The following ARHGEF28 variants were observed in gnomAD, a reference collection of about 807,000 sequenced individuals.
The protein encoded by ARHGEF28 is 190 kDa guanine nucleotide exchange factor.
A neutral mutation model predicts 206.6 loss-of-function variants in ARHGEF28; 152 were observed. The ratio of observed to expected loss-of-function variants is 0.74; its 90% CI spans 0.64 to 0.84. The LOEUF is 0.84. Ranked by LOEUF, ARHGEF28 falls within the 40% of genes least tolerant of loss-of-function variation. The probability of loss-of-function intolerance (pLI) is 0.00; values close to 1 mark genes in which losing one functional copy is unlikely to be tolerated. For missense variants in ARHGEF28, 2,028 were observed against 2,073.2 expected (o/e 0.98, Z 0.42); for synonymous variants, 763 against 776.4 (o/e 0.98, Z 0.29).
intron 35 of ARHGEF28, among the ~76,000 whole-genome samples, chr5:73,936,807 A>T (rs1764447354): frequency 6.6e-6 from 1 of 152,182 alleles, no homozygotes; most frequent in Non-Finnish European, 1.5e-5. Context: ...GCCTGAAGTG[A>T]TCCTCCTGCC....
intron 35 of ARHGEF28, among the ~76,000 whole-genome samples, chr5:73,926,864 C>T (rs990218071): frequency 1.3e-5 from 2 of 152,186 alleles, no homozygotes; most frequent in Admixed American, 6.5e-5. Flanking sequence ...TTAAGGGACA[C>T]GTATGTAGTG....
At chr5:73,828,515 C>T (rs1172928480) in intron 9 of ARHGEF28, among the ~76,000 whole-genome samples, 1 of 151,156 alleles carries the variant, frequency 6.6e-6, no homozygotes, top group Non-Finnish European at 1.5e-5. Flanking sequence ...CTTCACAAGA[C>T]TTACTGTCTC....
At chr5:73,731,829 T>A (rs1161611706) in intron 2 of ARHGEF28, among the ~76,000 whole-genome samples, 1 of 152,154 alleles carries the variant, frequency 6.6e-6, no homozygotes, top group African/African-American at 2.4e-5. Flanking sequence ...AACAGTTATT[T>A]ATCAATGAAG....
intron 35 of ARHGEF28, among the ~76,000 whole-genome samples, chr5:73,935,907 C>T (rs77311932): frequency 0.012 from 1,890 of 152,242 alleles, 33 homozygotes; most frequent in African/African-American, 0.042. Context: ...AACTGAACAG[C>T]GCGTCATCAG....
At chr5:73,870,844 T>C (rs780560413) in intron 21 of ARHGEF28, among the ~76,000 whole-genome samples, 7 of 152,218 alleles carry the variant, frequency 4.6e-5, no homozygotes, top group African/African-American at 7.2e-5. Flanking sequence ...AAATTTCAAC[T>C]ACAAAGTAGA....
chr5:73,627,448 C>G (rs1342000026), intron 1 of ARHGEF28, among the ~76,000 whole-genome samples: 1 of 152,162 alleles, frequency 6.6e-6, no homozygotes, highest in African/African-American at 2.4e-5. Context: ...AGGACCTACC[C>G]TTGTTAGGTT....
At chr5:73,658,962 TAC>T (rs55877309) in intron 1 of ARHGEF28, among the ~76,000 whole-genome samples, 5,554 of 124,654 alleles carry the variant, frequency 0.045, 145 homozygotes, top group African/African-American at 0.081. Flanking sequence ...TGCATGCAGG[TAC>T]ACACACACAC....
chr5:73,875,775 C>T (rs1477503858), intron 22 of ARHGEF28, among the ~76,000 whole-genome samples: 3 of 152,002 alleles, frequency 2.0e-5, no homozygotes, highest in Non-Finnish European at 4.4e-5. Flanking sequence ...TTCCATTGAT[C>T]TATATCTCTG....
chr5:73,893,421 C>A, intron 28 of ARHGEF28, 133 bp downstream of exon 28: 1 of 516,008 alleles, frequency 1.9e-6, no homozygotes, highest in Non-Finnish European at 3.2e-6. Flanking sequence ...GACCACCCTC[C>A]CGAGAAACTT....
In ARHGEF28 at chr5:73,875,513, G is replaced by A. The variant is rs1394953070; in HGVS notation, c.2814+2267G>A. Among the ~76,000 whole-genome samples, 10 of 148,584 alleles carry A rather than the reference G, an allele frequency of 6.7e-5. No individual in the cohort carries two copies. The South Asian group carries it at 1.5e-3, about 22-fold the overall frequency. The stretch of plus-strand genomic sequence containing the variant: ...CTTGCCCATGCCTATGTCCTGAATG[G>A]TATTGCCTAGGTTTTCTTCTAGGGT... On this transcript the variant is annotated intron_variant, in intron 22 of 35. Transcript: ENST00000513042.
At chr5:73,689,100 TATAGAG>T (rs1298558718) in intron 2 of ARHGEF28, among the ~76,000 whole-genome samples, 2 of 152,246 alleles carry the variant, frequency 1.3e-5, no homozygotes, top group East Asian at 3.8e-4. Context: ...CACGTAGTTT[TATAGAG>T]ATAATCTTTT....
chr5:73,858,081 C>G lies in ARHGEF28; in HGVS notation c.1915-6C>G, dbSNP rs763286723. 15 of 1,597,630 alleles carry G rather than the reference C, an allele frequency of 9.4e-6. No individual in the cohort carries two copies. Among genetic ancestry groups the G allele is most frequent in the Middle Eastern group, 1.7e-4 (1 of 5,972 alleles). ...CACTTTCCTACTGCTGCTGCTGCAT[C>G]TGAAGACAAAAAGCAAGGATGCCAA... On this transcript the variant is annotated splice_polypyrimidine_tract_variant and splice_region_variant and intron_variant, in intron 15 of 35. Transcript: ENST00000513042.
chr5:73,662,461 T>C (rs1745670242), intron 1 of ARHGEF28, among the ~76,000 whole-genome samples: 1 of 152,240 alleles, frequency 6.6e-6, no homozygotes, highest in Admixed American at 6.5e-5. Flanking sequence ...CTTGTCCAAG[T>C]GAAGATTGCC....
intron 2 of ARHGEF28, among the ~76,000 whole-genome samples, chr5:73,710,799 T>TAGAA: frequency 6.6e-6 from 1 of 152,034 alleles, no homozygotes; most frequent in Non-Finnish European, 1.5e-5. Context: ...GCCTCGCGGG[T>TAGAA]TCAAGTGATT....
Position 73,870,143 on chromosome 5 carries a change from G to T in ARHGEF28, c.2500G>T (p.Val834Leu). The T allele has an allele frequency of 6.2e-7, 1 of 1,613,966 alleles. No individual in the cohort carries two copies. The part of the protein sequence containing the change: ...QEFEAESWSL[V>L]VDPSFCNRQE... ...GTTTGAAGCAGAATCTTGGAGTCTT[G>T]TGGTGGATCCCTCATTTTGTAATAG... is the stretch of plus-strand genomic sequence containing the variant. The change falls in exon 21 of 36, where the codon GTG (valine) becomes TTG (leucine). Residue 834 changes from valine to leucine, a missense_variant. This residue lies in a region of ARHGEF28 where 1,002 missense variants were observed against 1,015.3 expected (regional missense o/e 0.99). Coordinates refer to ENST00000513042, the MANE Select transcript of ARHGEF28 (RefSeq NM_001177693.2).
chr5:73,679,608 ATC>A (rs1487581326), intron 1 of ARHGEF28, among the ~76,000 whole-genome samples: 2 of 151,488 alleles, frequency 1.3e-5, no homozygotes, highest in African/African-American at 4.8e-5. Context: ...GGCATGTACT[ATC>A]TATATCTGTA....
At chr5:73,641,206 A>G (rs1242334345) in intron 1 of ARHGEF28, among the ~76,000 whole-genome samples, 1 of 152,188 alleles carries the variant, frequency 6.6e-6, no homozygotes, top group African/African-American at 2.4e-5. Flanking sequence ...ATGAGTTACC[A>G]CCAAAGAGAT....
At chr5:73,849,258 AATTTGATTTTGATCAG>A in intron 13 of ARHGEF28, 171 bp downstream of exon 13, 1 of 554,018 alleles carries the variant, frequency 1.8e-6, no homozygotes, top group Non-Finnish European at 3.1e-6. Context: ...ATAACAGCCA[AATTTGATTTTGATCAG>A]ATTTGATTTT....
At chr5:73,919,961 T>C (rs1331037754) in intron 35 of ARHGEF28, among the ~76,000 whole-genome samples, 1 of 152,242 alleles carries the variant, frequency 6.6e-6, no homozygotes, top group African/African-American at 2.4e-5. Flanking sequence ...TGTTAACTGC[T>C]CTATCACCAG....
Sources: allele counts gnomAD v4.1 joint callset (sites outside exome capture counted in the v4.1 genomes callset), GRCh38; gene constraint gnomAD v4.1.1; regional missense constraint gnomAD v4.1.1; transcripts MANE v1.5; gene names NCBI Gene and HGNC (gene_info 2026-07-23, HGNC 2026-07-21).